EFCAB6: variants seen among roughly 807,000 people sequenced by gnomAD.
The protein encoded by EFCAB6 is EF-hand calcium-binding domain-containing protein 6.
Under a neutral mutation model 169.8 loss-of-function variants are expected in EFCAB6, and 156 were observed. That is an observed-to-expected ratio of 0.92 (90% CI 0.81 to 1.05). The LOEUF is 1.05. Among genes scored for constraint, EFCAB6 ranks in the 50% least tolerant of loss-of-function variants. The pLI is 0.00. For missense variants in EFCAB6, 1,800 were observed against 1,829.1 expected, an observed-to-expected ratio of 0.98 and a Z score of 0.29; for synonymous variants, 698 against 676.4, an observed-to-expected ratio of 1.03 and a Z score of -0.50.
At chr22:43,705,737 A>G (rs903199504) in intron 10 of EFCAB6, among the ~76,000 whole-genome samples, 7 of 152,198 alleles carry the variant, frequency 4.6e-5, no homozygotes, top group Non-Finnish European at 1.0e-4. Context: ...GGGATGCAAC[A>G]AAAGCAATTC....
intron 3 of EFCAB6, among the ~76,000 whole-genome samples, chr22:43,775,929 C>T (rs1204894556): frequency 1.3e-5 from 2 of 152,262 alleles, no homozygotes; most frequent in Non-Finnish European, 2.9e-5. Flanking sequence ...AGCCCAGCCT[C>T]TGCACCTCCC....
At chr22:43,784,068 A>AAAAT (rs998503898) in intron 2 of EFCAB6, among the ~76,000 whole-genome samples, 6 of 152,140 alleles carry the variant, frequency 3.9e-5, no homozygotes, top group African/African-American at 1.2e-4. Context: ...ACTCTGTCTC[A>AAAAT]AAATAAATAA....
intron 10 of EFCAB6, among the ~76,000 whole-genome samples, chr22:43,700,997 G>A (rs939040382): frequency 6.6e-6 from 1 of 152,082 alleles, no homozygotes; most frequent in Admixed American, 6.6e-5. Flanking sequence ...TTTAATAAAA[G>A]ATAAATAAAA....
rs150141674 is a variant in EFCAB6, at chr22:43,766,592, G to T, written c.352-1199C>A. On this transcript the variant is annotated intron_variant, in intron 4 of 31. Transcript: ENST00000262726. ...TAAAGTGGCAGGATCTCAGCTCACT[G>T]CAAACTCTGCCTCCCGGGTTCAAGC... Among the ~76,000 whole-genome samples, 13 of 152,050 alleles carry T rather than the reference G, an allele frequency of 8.5e-5. No homozygotes were observed. In the East Asian group the frequency reaches 2.3e-3, roughly 27 times the overall value.
chr22:43,761,518 G>A (rs970282014), intron 5 of EFCAB6, among the ~76,000 whole-genome samples: 2 of 152,050 alleles, frequency 1.3e-5, no homozygotes, highest in Non-Finnish European at 1.5e-5. Flanking sequence ...TTTTTCAGAA[G>A]TTCTATTTTA....
At chr22:43,722,529 C>A (rs376377179) in intron 8 of EFCAB6, among the ~76,000 whole-genome samples, 197 of 138,952 alleles carry the variant, frequency 1.4e-3, no homozygotes, top group African/African-American at 1.6e-3. Context: ...GACTGCATCT[C>A]AAAAAAAAAA....
At chr22:43,738,533 A>T (rs1232793526) in intron 6 of EFCAB6, among the ~76,000 whole-genome samples, 1 of 151,478 alleles carries the variant, frequency 6.6e-6, no homozygotes, top group Non-Finnish European at 1.5e-5. Context: ...ACATATATTC[A>T]CACACACCTG....
chr22:43,586,340 ATTTTTTTTT>A (rs36058832), intron 24 of EFCAB6, among the ~76,000 whole-genome samples: 33 of 72,924 alleles, frequency 4.5e-4, no homozygotes, highest in African/African-American at 1.6e-3. Context: ...GCAACAACTG[ATTTTTTTTT>A]TTTTTTTTTT....
chr22:43,715,143 A>T (rs1883363), intron 9 of EFCAB6, among the ~76,000 whole-genome samples: 150,537 of 152,296 alleles, frequency 0.99, 74,415 homozygotes, highest in East Asian at 1. Context: ...AATAGCTTTT[A>T]AAATCTCTTT....
At chr22:43,782,362 A>T in intron 2 of EFCAB6, 37 bp from the exon 3 acceptor site, 1 of 1,594,148 alleles carries the variant, frequency 6.3e-7, no homozygotes, top group Non-Finnish European at 8.6e-7. Flanking sequence ...GTTACCTTAA[A>T]GAGCATACAT....
intron 5 of EFCAB6, among the ~76,000 whole-genome samples, chr22:43,762,975 G>A (rs1433976104): frequency 2.0e-5 from 3 of 152,182 alleles, no homozygotes; most frequent in African/African-American, 4.8e-5. Context: ...TAACTAAAGA[G>A]AGCACAGAGA....
At chr22:43,655,280 A>T (rs1453648621) in intron 17 of EFCAB6, among the ~76,000 whole-genome samples, 1 of 152,268 alleles carries the variant, frequency 6.6e-6, no homozygotes, top group African/African-American at 2.4e-5. Flanking sequence ...TAAATAAAAT[A>T]CATGTAAAAT....
chr22:43,646,085 G>T (rs1287137831), intron 17 of EFCAB6, among the ~76,000 whole-genome samples: 3 of 152,212 alleles, frequency 2.0e-5, no homozygotes, highest in Admixed American at 2.0e-4. Context: ...GATAAAAGCA[G>T]ACAAGTCGTG....
At chr22:43,756,060 A>C (rs1160786682) in intron 5 of EFCAB6, among the ~76,000 whole-genome samples, 2 of 152,168 alleles carry the variant, frequency 1.3e-5, no homozygotes, top group Non-Finnish European at 2.9e-5. Context: ...TACTCCTCCT[A>C]AGGTAATGTG....
rs1393554380 is a variant in EFCAB6 at position 43,632,294 on chromosome 22, C to CAT, written c.2099-57_2099-56insAT. 12 of 1,131,142 alleles carry CAT rather than the reference C, an allele frequency of 1.1e-5. No individual in the cohort carries two copies. The Admixed American group carries it at 4.3e-4, about 40-fold the overall frequency. 70.1% of individuals were successfully genotyped at this position (1,131,142 alleles called of 1,614,324 possible). ...TTAGTGCCCATCAGCTTCATTCCTTCTTTTTTTTTTTTTTTTTTTTTTGAG... is the reference window on the plus strand; with the variant it reads ...TTAGTGCCCATCAGCTTCATTCCTTCATTTTTTTTTTTTTTTTTTTTTTTGAG... On this transcript the variant is annotated intron_variant, in intron 18 of 31. Coordinates refer to ENST00000262726, the MANE Select transcript of EFCAB6 (RefSeq NM_022785.4).
chr22:43,802,779 G>A (rs1284308257), intron 2 of EFCAB6: 3 of 508,012 alleles, frequency 5.9e-6, no homozygotes, highest in Non-Finnish European at 1.2e-5. Context: ...GCCAAGTGAA[G>A]TGTGTGCATT....
At chr22:43,598,310 GGAAAAAAAAAAAAAAA>G (rs2052194457) in intron 23 of EFCAB6, among the ~76,000 whole-genome samples, 1 of 57,660 alleles carries the variant, frequency 1.7e-5, no homozygotes, top group African/African-American at 5.4e-5. Flanking sequence ...ACTGTCTCCG[GGAAAAAAAAAAAAAAA>G]AAAAAAAAAA....
At chr22:43,659,757 GA>G (rs1244043689) in intron 17 of EFCAB6, among the ~76,000 whole-genome samples, 1 of 152,236 alleles carries the variant, frequency 6.6e-6, no homozygotes, top group Non-Finnish European at 1.5e-5. Context: ...TATGTGTGGG[GA>G]ATTCATGGTA....
At chr22:43,762,472 G>T (rs1263376946) in intron 5 of EFCAB6, among the ~76,000 whole-genome samples, 2 of 152,164 alleles carry the variant, frequency 1.3e-5, no homozygotes, top group Non-Finnish European at 2.9e-5. Flanking sequence ...TTTGGCCTCT[G>T]AAGATTCCAG....
Sources: allele counts gnomAD v4.1 joint callset (sites outside exome capture counted in the v4.1 genomes callset), GRCh38; gene constraint gnomAD v4.1.1; transcripts MANE v1.5; gene names NCBI Gene and HGNC (gene_info 2026-07-23, HGNC 2026-07-21).